Variants in GABRP observed in about 807,000 individuals in gnomAD.
The protein encoded by GABRP is gamma-aminobutyric acid receptor subunit pi.
Under a neutral mutation model 47.8 loss-of-function variants are expected in GABRP, and 52 were observed. The ratio of observed to expected loss-of-function variants is 1.09; its 90% CI spans 0.87 to 1.37. The LOEUF (loss-of-function observed/expected upper bound fraction) is 1.37. Ranked by LOEUF, GABRP falls within the 40% of genes most tolerant of loss-of-function variation. GABRP has a pLI of 0.00. For missense variants in GABRP, 525 were observed against 542.8 expected, an observed-to-expected ratio of 0.97 and a Z score of 0.33; for synonymous variants, 221 against 205.8, an observed-to-expected ratio of 1.07 and a Z score of -0.63.
intron 3 of GABRP, among the ~76,000 whole-genome samples, chr5:170,793,892 A>G (rs1765347836): frequency 6.6e-6 from 1 of 152,146 alleles, no homozygotes; most frequent in African/African-American, 2.4e-5. Context: ...AGATCGTGCT[A>G]TTATTGCACT....
In GABRP at chr5:170,812,074, A is replaced by G; in HGVS notation, c.1139A>G (p.Tyr380Cys). Reference sequence around the variant, plus strand: ...GAAATTTCCAGCGACAACGTTGACTACAGTGACTTGACAATGAAAACCAGC... The same window carrying G: ...GAAATTTCCAGCGACAACGTTGACTGCAGTGACTTGACAATGAAAACCAGC... ...SIEISSDNVD[Y>C]SDLTMKTSDK... The change falls in exon 10 of 10, where the codon TAC becomes TGC. Residue 380 changes from tyrosine (Y) to cysteine (C), a missense_variant. Coordinates refer to ENST00000265294, the MANE Select transcript of GABRP (RefSeq NM_014211.3). The G allele has an allele frequency of 1.2e-6, 2 of 1,614,248 alleles. No homozygotes were observed. Among genetic ancestry groups the G allele is most frequent in the Non-Finnish European group, 8.5e-7 (1 of 1,180,042 alleles).
chr5:170,808,599 G>T lies in GABRP; in HGVS notation c.680-1G>T. On this transcript the variant is annotated splice_acceptor_variant, in intron 7 of 9. Transcript: ENST00000265294. LOFTEE classifies it high-confidence loss of function. ...TTCCTATCTGTTGTTTACCCTTTCA[G>T]GAAATTACACTAGATTGGTCTTACA... 6.2e-7 allele frequency: 1 copy of T among 1,613,180 alleles called. No homozygotes were observed. The highest frequency in any genetic ancestry group is 8.5e-7 in the Non-Finnish European group (1 of 1,179,508).
At chr5:170,808,407 G>A (rs1262939600) in intron 7 of GABRP, among the ~76,000 whole-genome samples, 193 bp from the exon 8 acceptor site, 3 of 152,094 alleles carry the variant, frequency 2.0e-5, no homozygotes, top group Non-Finnish European at 4.4e-5. Flanking sequence ...TGGACATAAG[G>A]CAGGACAGCG....
intron 5 of GABRP, among the ~76,000 whole-genome samples, chr5:170,796,118 G>A (rs1252714443): frequency 6.6e-6 from 1 of 152,174 alleles, no homozygotes; most frequent in African/African-American, 2.4e-5. Flanking sequence ...AGAGGCCTTG[G>A]GGAGGAGGCC....
In GABRP at chr5:170,812,212, T is replaced by C; in HGVS notation, c.1277T>C (p.Phe426Ser). 1 of 1,613,968 alleles carries C rather than the reference T, an allele frequency of 6.2e-7. No individual in the cohort carries two copies. Among genetic ancestry groups the C allele is most frequent in the Non-Finnish European group, 8.5e-7 (1 of 1,179,866 alleles). ...HYSKLLFPLIFMLANVFYWAY... is the reference protein window; with the variant it reads ...HYSKLLFPLISMLANVFYWAY... ...TCCAAACTACTGTTTCCTTTGATTT[T>C]TATGCTAGCCAATGTATTTTACTGG... is the stretch of plus-strand genomic sequence containing the variant. Residue 426 changes from phenylalanine to serine, a missense_variant, in exon 10 of 10, where the codon TTT becomes TCT. Coordinates refer to ENST00000265294, the MANE Select transcript of GABRP (RefSeq NM_014211.3).
upstream of GABRP, among the ~76,000 whole-genome samples, chr5:170,783,200 T>G (rs1765050220): frequency 6.6e-6 from 1 of 152,200 alleles, no homozygotes; most frequent in South Asian, 2.1e-4. Flanking sequence ...TGAGTCTTTT[T>G]GAAACTTCCC....
At chr5:170,802,478 A>C (rs1031583693) in intron 6 of GABRP, among the ~76,000 whole-genome samples, 2 of 152,218 alleles carry the variant, frequency 1.3e-5, no homozygotes, top group African/African-American at 2.4e-5. Context: ...TAATTATCTT[A>C]TTGATTAAAT....
At chr5:170,803,683 C>T (rs151128122) in intron 6 of GABRP, among the ~76,000 whole-genome samples, 1 of 152,026 alleles carries the variant, frequency 6.6e-6, no homozygotes, top group African/African-American at 2.4e-5. Flanking sequence ...CTAACCTACT[C>T]GCTGTCTGTA....
In GABRP at chr5:170,803,733, A is replaced by C. The variant is rs919866032; in HGVS notation, c.542-1983A>C. Among the ~76,000 whole-genome samples, 5 of 147,996 alleles carry C rather than the reference A, an allele frequency of 3.4e-5. No individual in the cohort carries two copies. In the Admixed American group the frequency reaches 3.4e-4, roughly 10 times the overall value. On this transcript the variant is annotated intron_variant, in intron 6 of 9. Coordinates refer to ENST00000265294, the MANE Select transcript of GABRP (RefSeq NM_014211.3). ...CTGGATATTTCTTATAAATGGAATC[A>C]TGCACTATGTGGTTGGTTGGTTGGT...
chr5:170,808,517 T>C lies in GABRP; in HGVS notation c.680-83T>C, dbSNP rs1192481786. 4 of 1,149,152 alleles carry C rather than the reference T, an allele frequency of 3.5e-6. No individual in the cohort carries two copies. The African/African-American group carries it at 4.6e-5, about 13-fold the overall frequency. 71.2% of individuals were successfully genotyped at this position (1,149,152 alleles called of 1,614,324 possible). The stretch of plus-strand genomic sequence containing the variant: ...TTTAGATCAATGACAGAGGGCTTAA[T>C]GTACATATAGTTAAGCATCCCATAG... On this transcript the variant is annotated intron_variant, in intron 7 of 9. Transcript: ENST00000265294.
intron 6 of GABRP, among the ~76,000 whole-genome samples, chr5:170,804,368 G>C (rs1765673431): frequency 6.6e-6 from 1 of 151,952 alleles, no homozygotes; most frequent in Admixed American, 6.6e-5. Flanking sequence ...ATTTCTCTTG[G>C]ACAGATACCT....
intron 9 of GABRP, 162 bp downstream of exon 9, chr5:170,809,917 T>C: frequency 1.4e-6 from 1 of 726,942 alleles, no homozygotes; most frequent in East Asian, 2.7e-5. Context: ...GAAGTCATGG[T>C]GCCCCTTGAA....
rs556216691 is a variant in GABRP at position 170,805,700 on chromosome 5, C to T, written c.542-16C>T. ...GAACACCCTTGCACTGACCAGGGCT[C>T]CATTTTATTTGCCAGGGGGCTATGA... On this transcript the variant is annotated splice_polypyrimidine_tract_variant and intron_variant, in intron 6 of 9. Coordinates refer to ENST00000265294, the MANE Select transcript of GABRP (RefSeq NM_014211.3). 1,000 of 1,614,062 alleles carry T rather than the reference C, an allele frequency of 6.2e-4. 13 individuals carry two copies. The South Asian group carries it at 0.011, about 17-fold the overall frequency.
chr5:170,792,957 T>C (rs550860168), intron 3 of GABRP, among the ~76,000 whole-genome samples: 2 of 152,262 alleles, frequency 1.3e-5, no homozygotes, highest in South Asian at 4.2e-4. Context: ...AAGTTGTCCC[T>C]TTTCCAAAAT....
intron 9 of GABRP, among the ~76,000 whole-genome samples, chr5:170,810,247 T>C (rs911461457): frequency 1.3e-5 from 2 of 152,074 alleles, no homozygotes; most frequent in African/African-American, 4.8e-5. Flanking sequence ...CATTATTTGG[T>C]TTAGCAATGG....
chr5:170,810,963 A>G (rs1366562122), intron 9 of GABRP, among the ~76,000 whole-genome samples: 2 of 151,698 alleles, frequency 1.3e-5, no homozygotes. Context: ...GATTTACTAG[A>G]TTGGCAAAAT....
chr5:170,801,855 TGG>T (rs11286876), intron 6 of GABRP, among the ~76,000 whole-genome samples: 23,855 of 142,284 alleles, frequency 0.17, 1,967 homozygotes, highest in South Asian at 0.26. Flanking sequence ...TGAAAAGTAA[TGG>T]GGGGGGGGTC....
At position 170,808,702 on chromosome 5, in the gene GABRP, G is replaced by A. The variant is rs1765801335; in HGVS notation, c.782G>A (p.Trp261Ter). ...TCCACTTTCCTGGTGGTGTTGTCCTGGGTTTCATTTTGGATCTCTCTCGAT... is the reference window on the plus strand; with the variant it reads ...TCCACTTTCCTGGTGGTGTTGTCCTAGGTTTCATTTTGGATCTCTCTCGAT... ...VPSTFLVVLS[W>*]VSFWISLDSV... Residue 261 changes from tryptophan (W) to a stop codon, truncating the protein, a stop_gained, in exon 8 of 10, where the codon TGG becomes TAG. Transcript: ENST00000265294. LOFTEE classifies it high-confidence loss of function. 6.2e-7 allele frequency: 1 copy of A among 1,614,108 alleles called. No homozygotes were observed. The highest frequency in any genetic ancestry group is 8.5e-7 in the Non-Finnish European group (1 of 1,180,002).
intron 7 of GABRP, among the ~76,000 whole-genome samples, chr5:170,806,940 T>C (rs2127264865): frequency 6.6e-6 from 1 of 152,196 alleles, no homozygotes; most frequent in South Asian, 2.1e-4. Flanking sequence ...CTTATTATTT[T>C]ACTTTATTTT....
Sources: gnomAD v4.1 joint callset for allele counts (sites outside exome capture counted in the v4.1 genomes callset) on GRCh38, gnomAD v4.1.1 for gene constraint, MANE v1.5 for transcripts, NCBI Gene and HGNC (gene_info 2026-07-23, HGNC 2026-07-21) for gene names.